CEP192: variants seen among roughly 807,000 people sequenced by gnomAD.
CEP192 encodes centrosomal protein of 192 kDa.
A neutral mutation model predicts 271.8 loss-of-function variants in CEP192; 151 were observed. The observed-to-expected ratio is 0.56, with a 90% CI of 0.49 to 0.64. The LOEUF is 0.64. Among genes scored for constraint, CEP192 ranks in the 30% least tolerant of loss-of-function variants. The probability of loss-of-function intolerance (pLI) is 0.00; values close to 1 mark genes in which losing one functional copy is unlikely to be tolerated. For missense variants in CEP192, 2,910 were observed against 3,020.5 expected (o/e 0.96, Z 0.86); for synonymous variants, 995 against 1,076.5 (o/e 0.92, Z 1.48).
intron 6 of CEP192, among the ~76,000 whole-genome samples, 167 bp downstream of exon 6, chr18:13,015,615 A>C (rs1391731430): frequency 6.6e-6 from 1 of 152,190 alleles, no homozygotes; most frequent in Non-Finnish European, 1.5e-5. Context: ...GGAATTGAAG[A>C]ATTTATTTCT....
At chr18:13,088,176 G>A (rs973198147) in intron 32 of CEP192, among the ~76,000 whole-genome samples, 2 of 152,156 alleles carry the variant, frequency 1.3e-5, no homozygotes, top group Non-Finnish European at 1.5e-5. Context: ...TAAATATAGG[G>A]CGGGCTGTGT....
At chr18:13,118,744 A>G (rs927197361) in intron 44 of CEP192, among the ~76,000 whole-genome samples, 24 of 152,352 alleles carry the variant, frequency 1.6e-4, no homozygotes, top group African/African-American at 5.3e-4. Context: ...TAGAATTGTG[A>G]GGAATGTAAG....
intron 33 of CEP192, among the ~76,000 whole-genome samples, chr18:13,090,551 A>G (rs1462730847): frequency 6.6e-6 from 1 of 152,186 alleles, no homozygotes; most frequent in Non-Finnish European, 1.5e-5. Context: ...AAGGATATTT[A>G]TGCCTTGGTG....
intron 11 of CEP192, among the ~76,000 whole-genome samples, chr18:13,033,268 A>C (rs898559558): frequency 6.6e-6 from 1 of 152,262 alleles, no homozygotes; most frequent in African/African-American, 2.4e-5. Flanking sequence ...CAACTACCCC[A>C]AAATTGGAAA....
chr18:13,096,140 CT>C (rs750643456), intron 35 of CEP192, 43 bp from the exon 36 acceptor site: 11 of 1,597,850 alleles, frequency 6.9e-6, no homozygotes, highest in South Asian at 4.5e-5. Context: ...GTCTTTTTCA[CT>C]GTTGTTAAAT....
At chr18:13,119,900 T>C (rs931083285) in intron 44 of CEP192, among the ~76,000 whole-genome samples, 1 of 152,222 alleles carries the variant, frequency 6.6e-6, no homozygotes, top group African/African-American at 2.4e-5. Context: ...TTATTTAAAA[T>C]AAACGTGTCA....
intron 24 of CEP192, 88 bp from the exon 25 acceptor site, chr18:13,068,764 C>A: frequency 1.4e-6 from 2 of 1,396,078 alleles, no homozygotes; most frequent in Non-Finnish European, 1.0e-6. Flanking sequence ...TTCTTATTGC[C>A]CCTAAGGGCA....
chr18:13,108,779 G>A (rs1016974841), intron 40 of CEP192, among the ~76,000 whole-genome samples: 1 of 152,222 alleles, frequency 6.6e-6, no homozygotes, highest in African/African-American at 2.4e-5. Context: ...GGAGGCTGAG[G>A]TGGAAGGATC....
At chr18:13,038,325 G>A in intron 12 of CEP192, 45 bp from the exon 13 acceptor site, 4 of 1,451,252 alleles carry the variant, frequency 2.8e-6, no homozygotes, top group Non-Finnish European at 3.8e-6. Context: ...CAACAGAAAA[G>A]TGACTTGCTG....
chr18:13,018,685 T>A (rs1003496438), intron 8 of CEP192, 70 bp downstream of exon 8: 13 of 1,061,796 alleles, frequency 1.2e-5, no homozygotes, highest in East Asian at 2.7e-5. Flanking sequence ...AAAAAAAAAA[T>A]ATTTCTCTGG....
Position 13,046,788 on chromosome 18 carries a change from C to G in CEP192, c.2068-2071C>G, listed in dbSNP as rs149867640. On this transcript the variant is annotated intron_variant, in intron 15 of 44. Transcript: ENST00000506447. ...TTTATAAATAACCAGTATTTCTGAT[C>G]TTTCATCTGAGATTAGTTTTCTTCT... 2.2e-3 allele frequency among the ~76,000 whole-genome samples: 314 copies of G among 144,408 alleles called. 1 individual carries two copies. The highest frequency in any genetic ancestry group is 0.019 in the East Asian group (93 of 4,896). The allele number at this position is 144,408 out of a possible 152,430, so 94.7% of individuals were successfully genotyped here.
intron 1 of CEP192, among the ~76,000 whole-genome samples, chr18:12,995,880 G>A (rs894091462): frequency 5.3e-5 from 8 of 152,184 alleles, no homozygotes; most frequent in Non-Finnish European, 1.0e-4. Context: ...GTCCTGGAGC[G>A]GAGCTGGCTT....
intron 44 of CEP192, 138 bp downstream of exon 44, chr18:13,117,781 C>T (rs1176481649): frequency 3.3e-6 from 2 of 606,308 alleles, no homozygotes; most frequent in Non-Finnish European, 2.9e-6. Flanking sequence ...GGCAGAGTCT[C>T]CGCAAGTAGA....
chr18:13,049,117 TC>T lies in CEP192; in HGVS notation c.2328del (p.Asn777MetfsTer51), dbSNP rs1336422625. 6 of 1,613,944 alleles carry T rather than the reference TC, an allele frequency of 3.7e-6. No homozygotes were observed. The highest frequency in any genetic ancestry group is 5.1e-6 in the Non-Finnish European group (6 of 1,179,960). ...TAATGATTTAGAAAAAAGTAATGGATCCAATGCACTTGATATGGAGAAATAC... is the reference window on the plus strand; with the variant it reads ...TAATGATTTAGAAAAAAGTAATGGATCAATGCACTTGATATGGAGAAATAC... ...LPNDLEKSNG[S>X]NALDMEKYLK... On this transcript the variant is annotated frameshift_variant, in exon 16 of 45. Transcript: ENST00000506447. LOFTEE classifies it high-confidence loss of function.
At chr18:13,049,913 T>TA (rs984478862) in intron 17 of CEP192, 22 bp downstream of exon 17, 9 of 1,588,146 alleles carry the variant, frequency 5.7e-6, no homozygotes, top group Non-Finnish European at 7.7e-6. Flanking sequence ...CCTTCTTTTT[T>TA]AAAAAATAAA....
chr18:13,105,657 G>T (rs886922889), intron 40 of CEP192, among the ~76,000 whole-genome samples: 2 of 152,192 alleles, frequency 1.3e-5, no homozygotes, highest in African/African-American at 4.8e-5. Context: ...GACCGTAAAA[G>T]AATCTTGAAA....
intron 20 of CEP192, 88 bp from the exon 21 acceptor site, chr18:13,058,994 A>G: frequency 1.2e-6 from 1 of 843,762 alleles, no homozygotes. Flanking sequence ...AGTTTGAGTG[A>G]TTGGGAAAAG....
intron 40 of CEP192, among the ~76,000 whole-genome samples, chr18:13,110,134 A>C (rs757732511): frequency 1.1e-4 from 17 of 152,396 alleles, no homozygotes; most frequent in South Asian, 4.1e-4. Flanking sequence ...TTTAGTGCAC[A>C]GTTGTAATTA....
chr18:12,991,696 C>T (rs899746321), intron 1 of CEP192, among the ~76,000 whole-genome samples: 7 of 152,252 alleles, frequency 4.6e-5, no homozygotes, highest in Admixed American at 3.3e-4. Flanking sequence ...TTTGGCCGGG[C>T]GTGATGAGAC....
Sources: allele counts gnomAD v4.1 joint callset (sites outside exome capture counted in the v4.1 genomes callset), GRCh38; gene constraint gnomAD v4.1.1; transcripts MANE v1.5; gene names NCBI Gene and HGNC (gene_info 2026-07-23, HGNC 2026-07-21).